Variants in ZNF157 observed in about 807,000 individuals in gnomAD.
ZNF157 encodes the protein zinc finger protein 157.
ZNF157 carries 8 observed loss-of-function variants against 9.4 expected under a neutral mutation model. The ratio of observed to expected loss-of-function variants is 0.85; its 90% confidence interval spans 0.50 to 1.53. The LOEUF (loss-of-function observed/expected upper bound fraction) is 1.53, where lower values mean the gene tolerates loss of function less well. Ranked by LOEUF, ZNF157 falls within the 40% of genes most tolerant of loss-of-function variation. ZNF157 has a pLI of 0.00. For missense variants in ZNF157, 316 were observed against 385.2 expected (o/e 0.82, Z 1.50); for synonymous variants, 120 against 130.8 (o/e 0.92, Z 0.56).
intron 1 of ZNF157, among the ~76,000 whole-genome samples, chrX:47,403,989 G>A (rs1399400727): frequency 1.8e-5 from 2 of 110,402 alleles, no homozygotes; most frequent in Admixed American, 1.9e-4. Context: ...GGCCAACATG[G>A]TGAAACCCTG....
At chrX:47,372,272 G>C (rs1448976084) in intron 1 of ZNF157, among the ~76,000 whole-genome samples, 1 of 109,371 alleles carries the variant, frequency 9.1e-6, no homozygotes, top group African/African-American at 3.3e-5. Flanking sequence ...AGGGTGCTGA[G>C]AGTCAAGTCG....
intron 1 of ZNF157, among the ~76,000 whole-genome samples, chrX:47,403,104 TACACACAC>T (rs201573538): frequency 1.0e-5 from 1 of 100,224 alleles, no homozygotes; most frequent in African/African-American, 3.6e-5. Flanking sequence ...CTACTGAAAA[TACACACAC>T]ACACACACAC....
At chrX:47,385,326 G>A (rs773133034) in intron 1 of ZNF157, among the ~76,000 whole-genome samples, 1 of 111,089 alleles carries the variant, frequency 9.0e-6, no homozygotes, top group African/African-American at 3.3e-5. Context: ...GATCTGAATA[G>A]TCATACAAGT....
chrX:47,376,200 T>C (rs922249805), intron 1 of ZNF157, among the ~76,000 whole-genome samples: 5 of 112,492 alleles, frequency 4.4e-5, no homozygotes, highest in Non-Finnish European at 9.4e-5. Context: ...GTTTTAGCAA[T>C]GATGAAAAAA....
chrX:47,413,011 C>A lies in ZNF157; in HGVS notation c.938C>A (p.Ala313Glu), dbSNP rs200104319. ...GGGGAGTGTGGGAAAAACTTCCGTGCAAAGAAATCCCTAAATCAGCATCAA... is the reference window on the plus strand; with the variant it reads ...GGGGAGTGTGGGAAAAACTTCCGTGAAAAGAAATCCCTAAATCAGCATCAA... ...ECGECGKNFR[A>E]KKSLNQHQRI... Residue 313 changes from alanine (A) to glutamate (E), a missense_variant, in exon 4 of 4, where the codon GCA becomes GAA. Physicochemically the swap from Ala to Glu is moderately radical, Grantham distance 107. Transcript: ENST00000377073. 4 of 1,207,910 alleles carry A rather than the reference C, an allele frequency of 3.3e-6. No homozygotes were observed. The highest frequency in any genetic ancestry group is 4.5e-6 in the Non-Finnish European group (4 of 894,137).
rs1231751105 is a variant in ZNF157, at chrX:47,397,262, A to G, written c.73-13014A>G. Among the ~76,000 whole-genome samples, 18 of 57,520 alleles carry G rather than the reference A, an allele frequency of 3.1e-4. No individual in the cohort carries two copies. In the East Asian group the frequency reaches 8.8e-3, roughly 28 times the overall value. The allele number at this position is 57,520 out of a possible 115,157, so 49.9% of individuals were successfully genotyped here. ...CTTTCTTTTTTTTTTTTTTTTTTTGAGATGGAGTCTCACTCTGTTGCCCAG... is the reference window on the plus strand; with the variant it reads ...CTTTCTTTTTTTTTTTTTTTTTTTGGGATGGAGTCTCACTCTGTTGCCCAG... On this transcript the variant is annotated intron_variant, in intron 1 of 3. Coordinates refer to ENST00000377073, the MANE Select transcript of ZNF157 (RefSeq NM_003446.4).
In ZNF157 at chrX:47,370,673, C is replaced by T. The variant is rs750961714; in HGVS notation, c.5C>T (p.Pro2Leu). 8.3e-7 allele frequency: 1 copy of T among 1,205,286 alleles called. No individual in the cohort carries two copies. Among genetic ancestry groups the T allele is most frequent in the Non-Finnish European group, 1.1e-6 (1 of 892,316 alleles). ...GGGCTGAGGCCCAGGGTGAACATGC[C>T]AGCTAATGGGACATCACCCCAGAGA... M[P>L]ANGTSPQRFP... The change falls in exon 1 of 4, where the codon CCA (proline) becomes CTA (leucine). Residue 2 changes from proline (P) to leucine (L), a missense_variant. Physicochemically the swap from Pro to Leu is moderately conservative, Grantham distance 98. Coordinates refer to ENST00000377073, the MANE Select transcript of ZNF157 (RefSeq NM_003446.4).
At chrX:47,385,468 C>T (rs1425740273) in intron 1 of ZNF157, among the ~76,000 whole-genome samples, 5 of 110,251 alleles carry the variant, frequency 4.5e-5, no homozygotes, top group Non-Finnish European at 9.4e-5. Flanking sequence ...TGAGCACACC[C>T]TTCCTAGGTG....
rs2055826065 is a variant in ZNF157 at position 47,370,683 on chromosome X, G to T, written c.15G>T (p.Gly5=). MPAN[G]TSPQRFPALI... is the part of the protein sequence containing the mutation. ...CCAGGGTGAACATGCCAGCTAATGG[G>T]ACATCACCCCAGAGATTCCCTGCCC... Residue 5 remains glycine, a synonymous_variant, in exon 1 of 4, where the codon GGG becomes GGT. Coordinates refer to ENST00000377073, the MANE Select transcript of ZNF157 (RefSeq NM_003446.4). 8.3e-7 allele frequency: 1 copy of T among 1,206,597 alleles called. No individual in the cohort carries two copies.
At chrX:47,395,348 C>G (rs2055910215) in intron 1 of ZNF157, among the ~76,000 whole-genome samples, 1 of 111,789 alleles carries the variant, frequency 8.9e-6, no homozygotes, top group African/African-American at 3.3e-5. Context: ...CCATGCCTGG[C>G]TTAATTGTAG....
At chrX:47,411,136 G>A (rs1313318398) in intron 3 of ZNF157, among the ~76,000 whole-genome samples, 8 of 109,473 alleles carry the variant, frequency 7.3e-5, no homozygotes, top group South Asian at 4.0e-4. Flanking sequence ...TTACAGGTGC[G>A]TGCCACCACG....
Position 47,413,098 on chromosome X carries a change from A to G in ZNF157, c.1025A>G (p.Lys342Arg). The change falls in exon 4 of 4, where the codon AAG (lysine) becomes AGG (arginine). Residue 342 changes from lysine to arginine, a missense_variant. Physicochemically the swap from Lys to Arg is conservative, Grantham distance 26 (BLOSUM62 2). Coordinates refer to ENST00000377073, the MANE Select transcript of ZNF157 (RefSeq NM_003446.4). ...GAATGTGGGAAATTCTTCCGAATGAAGATGACTCTCAATAATCATCAAAGA... is the reference window on the plus strand; with the variant it reads ...GAATGTGGGAAATTCTTCCGAATGAGGATGACTCTCAATAATCATCAAAGA... ...CGECGKFFRMKMTLNNHQRTH... is the reference protein window; with the variant it reads ...CGECGKFFRMRMTLNNHQRTH... 1.7e-6 allele frequency: 2 copies of G among 1,211,361 alleles called. No homozygotes were observed. The highest frequency in any genetic ancestry group is 2.2e-6 in the Non-Finnish European group (2 of 895,129).
At chrX:47,394,026 G>A (rs186077255) in intron 1 of ZNF157, among the ~76,000 whole-genome samples, 6 of 106,465 alleles carry the variant, frequency 5.6e-5, no homozygotes, top group East Asian at 3.0e-4. Flanking sequence ...GCAGTGGCAC[G>A]ATCTCAGCTC....
intron 1 of ZNF157, among the ~76,000 whole-genome samples, chrX:47,393,722 T>C (rs1602766800): frequency 9.0e-5 from 7 of 77,679 alleles, no homozygotes; most frequent in Non-Finnish European, 1.2e-4. Context: ...TGAGCTACCA[T>C]CCCCGCCACC....
intron 1 of ZNF157, among the ~76,000 whole-genome samples, chrX:47,408,188 C>T (rs1163487996): frequency 1.8e-5 from 2 of 110,575 alleles, no homozygotes; most frequent in Non-Finnish European, 3.8e-5. Context: ...TTGCAACCTC[C>T]GCCTCCTGGG....
chrX:47,376,438 A>G (rs1030590686), intron 1 of ZNF157, among the ~76,000 whole-genome samples: 1 of 111,444 alleles, frequency 9.0e-6, no homozygotes, highest in African/African-American at 3.3e-5. Context: ...AACATGGTGA[A>G]ATCCCGTCTC....
chrX:47,403,258 C>T (rs1464574820), intron 1 of ZNF157, among the ~76,000 whole-genome samples: 1 of 110,660 alleles, frequency 9.0e-6, no homozygotes, highest in African/African-American at 3.3e-5. Flanking sequence ...GCCTGGGCAA[C>T]AAGAGTGAAA....
chrX:47,383,845 C>T (rs1026952763), intron 1 of ZNF157, among the ~76,000 whole-genome samples: 7 of 105,143 alleles, frequency 6.7e-5, no homozygotes, highest in African/African-American at 2.8e-4. Flanking sequence ...TATATGGAAG[C>T]CTCATACACG....
intron 1 of ZNF157, among the ~76,000 whole-genome samples, chrX:47,408,993 C>T (rs1455288861): frequency 8.9e-6 from 1 of 111,955 alleles, no homozygotes; most frequent in Non-Finnish European, 1.9e-5. Context: ...TTGGTGTTCC[C>T]TCAAACTCTG....
Sources: gnomAD v4.1 joint callset for allele counts (sites outside exome capture counted in the v4.1 genomes callset) on GRCh38, gnomAD v4.1.1 for gene constraint, MANE v1.5 for transcripts, NCBI Gene and HGNC (gene_info 2026-07-23, HGNC 2026-07-21) for gene names.